Variants in NCR1 observed in about 807,000 individuals in gnomAD.
The protein encoded by NCR1 is natural cytotoxicity triggering receptor 1, also known as NK cell-activating receptor.
Under a neutral mutation model 32.5 loss-of-function variants are expected in NCR1, and 30 were observed. The observed-to-expected ratio is 0.92, with a 90% CI of 0.69 to 1.25. The LOEUF (loss-of-function observed/expected upper bound fraction) is 1.25. Ranked by LOEUF, NCR1 falls within the 50% of genes most tolerant of loss-of-function variation. NCR1 has a pLI of 0.00. For missense variants in NCR1, 369 were observed against 380.7 expected (o/e 0.97, Z 0.26); for synonymous variants, 169 against 143.4 (o/e 1.18, Z -1.28).
intron 5 of NCR1, among the ~76,000 whole-genome samples, chr19:54,911,354 A>C (rs1415787903): frequency 3.9e-5 from 5 of 128,580 alleles, no homozygotes; most frequent in African/African-American, 1.5e-4. Context: ...GTCTCAAAAA[A>C]AAAGAAAAAG....
At chr19:54,932,488 C>T in the NCR1 span, among the ~76,000 whole-genome samples, 1 of 151,668 alleles carries the variant, frequency 6.6e-6, no homozygotes, top group Non-Finnish European at 1.5e-5. Context: ...AGGAACAGGT[C>T]TTCAACCCTA....
At chr19:54,904,388 TTA>T (rs1478847243), upstream of NCR1, among the ~76,000 whole-genome samples, 1 of 151,994 alleles carries the variant, frequency 6.6e-6, no homozygotes, top group East Asian at 1.9e-4. Flanking sequence ...TGCAGGTTTT[TTA>T]TGAGTATATT....
the NCR1 span, chr19:54,936,237 G>A: frequency 6.2e-7 from 1 of 1,607,644 alleles, no homozygotes; most frequent in African/African-American, 1.3e-5. Context: ...AGGTGCTGGG[G>A]AGAGCCGTGA....
chr19:54,912,339 G>A lies in NCR1; in HGVS notation c.733+121G>A, dbSNP rs140346096. Reference sequence around the variant, plus strand: ...TGGCCAGGCGCAGTAGCTCACACCTGTAATCTCAGCCCTTTGGGAGGCCGA... The same window carrying A: ...TGGCCAGGCGCAGTAGCTCACACCTATAATCTCAGCCCTTTGGGAGGCCGA... On this transcript the variant is annotated intron_variant, in intron 6 of 6. Transcript: ENST00000291890. The A allele has an allele frequency of 1.0e-3, 1,023 of 982,134 alleles. 7 individuals carry two copies. The African/African-American group carries it at 0.015, about 14-fold the overall frequency. The allele number at this position is 982,134 out of a possible 1,614,324, so 60.8% of individuals were successfully genotyped here. A position where few individuals can be genotyped will look rare whatever the true frequency, so the allele number is the denominator to read the frequency against.
At chr19:54,928,121 G>A in the NCR1 span, among the ~76,000 whole-genome samples, 3 of 152,144 alleles carry the variant, frequency 2.0e-5, no homozygotes, top group Non-Finnish European at 4.4e-5. Flanking sequence ...TTGGGAGGCT[G>A]AGGCACAAGA....
the NCR1 span, among the ~76,000 whole-genome samples, chr19:54,898,203 T>G: frequency 6.6e-6 from 1 of 151,982 alleles, no homozygotes; most frequent in Non-Finnish European, 1.5e-5. Context: ...TGGGCCAGAG[T>G]TCTAGCTGCT....
At chr19:54,899,551 G>T in the NCR1 span, among the ~76,000 whole-genome samples, 1 of 152,034 alleles carries the variant, frequency 6.6e-6, no homozygotes, top group Non-Finnish European at 1.5e-5. Flanking sequence ...AAGGGATCGG[G>T]GTGCAGAGAT....
chr19:54,933,026 A>G, the NCR1 span, among the ~76,000 whole-genome samples: 1 of 152,196 alleles, frequency 6.6e-6, no homozygotes, highest in African/African-American at 2.4e-5. Context: ...TTGAAAGAAC[A>G]CACACAAAGC....
At chr19:54,937,900 C>CA in the NCR1 span, 35,175 of 504,452 alleles carry the variant, frequency 0.07, 291 homozygotes, top group African/African-American at 0.14. Context: ...TCCGTCTCAC[C>CA]AAAAAAAAAA....
At chr19:54,922,778 C>CA in the NCR1 span, among the ~76,000 whole-genome samples, 108 of 39,306 alleles carry the variant, frequency 2.7e-3, 4 homozygotes, top group African/African-American at 6.6e-3. Flanking sequence ...AACTCCGTCT[C>CA]AAAAAAAAAA....
At chr19:54,902,320 G>C (rs1485427366), upstream of NCR1, among the ~76,000 whole-genome samples, 5 of 150,510 alleles carry the variant, frequency 3.3e-5, no homozygotes, top group Non-Finnish European at 5.9e-5. Context: ...TTTTTTTATA[G>C]ACAGGGTAAC....
the NCR1 span, among the ~76,000 whole-genome samples, chr19:54,935,946 G>A: frequency 3.3e-3 from 499 of 152,172 alleles, no homozygotes; most frequent in Non-Finnish European, 5.2e-3. Context: ...ACCGGCCCGC[G>A]GTGCAGAAAA....
chr19:54,910,047 G>T lies in NCR1; in HGVS notation c.664G>T (p.Glu222Ter). The T allele has an allele frequency of 6.2e-7, 1 of 1,612,926 alleles. No homozygotes were observed. The highest frequency in any genetic ancestry group is 8.5e-7 in the Non-Finnish European group (1 of 1,179,802). ...GDIENTSLAPEDPTFPADTWG... is the reference protein window; with the variant it reads ...GDIENTSLAP ...CATTGAGAACACCAGCCTTGCACCT[G>T]AAGACCCCACCTTTCCTGGTGAGTA... The change falls in exon 5 of 7, where the codon GAA becomes TAA. Residue 222 changes from glutamate (E) to a stop codon, truncating the protein, a stop_gained. Transcript: ENST00000291890. LOFTEE classifies it high-confidence loss of function.
intron 4 of NCR1, 152 bp from the exon 5 acceptor site, chr19:54,909,866 C>T (rs2067865678): frequency 1.2e-5 from 7 of 603,534 alleles, no homozygotes; most frequent in Non-Finnish European, 1.9e-5. Context: ...ACCCGGGAGG[C>T]GGGGGTTGTA....
At chr19:54,934,828 GC>G in the NCR1 span, among the ~76,000 whole-genome samples, 1 of 152,002 alleles carries the variant, frequency 6.6e-6, no homozygotes, top group Non-Finnish European at 1.5e-5. The surrounding 1 kb of genome is among the most constrained non-coding windows in gnomAD (Gnocchi z 6.7). Flanking sequence ...TCCTGCCTCA[GC>G]CTCCGAAGTA....
In NCR1 at chr19:54,908,774, C is replaced by A. The variant is rs1300895376; in HGVS notation, c.356-471C>A. 4.6e-5 allele frequency among the ~76,000 whole-genome samples: 7 copies of A among 151,412 alleles called. No individual in the cohort carries two copies. In the East Asian group the frequency reaches 1.4e-3, roughly 30 times the overall value. Reference sequence around the variant, plus strand: ...CCTCCCAAGTAGTTGAGATTACAGGCATGTGCCACCACACCCGGCTAATTT... The same window carrying A: ...CCTCCCAAGTAGTTGAGATTACAGGAATGTGCCACCACACCCGGCTAATTT... On this transcript the variant is annotated intron_variant, in intron 3 of 6. Transcript: ENST00000291890.
chr19:54,904,012 G>T (rs2067386255), upstream of NCR1, among the ~76,000 whole-genome samples: 1 of 150,780 alleles, frequency 6.6e-6, no homozygotes, highest in Non-Finnish European at 1.5e-5. Flanking sequence ...TGTAGTCCCA[G>T]CTACTCAGGT....
At chr19:54,930,962 G>A in the NCR1 span, among the ~76,000 whole-genome samples, 1 of 152,022 alleles carries the variant, frequency 6.6e-6, no homozygotes. Flanking sequence ...GGCAGAGGCT[G>A]CAGTGAGCTG....
upstream of NCR1, among the ~76,000 whole-genome samples, chr19:54,904,531 C>CTTTTCTTTTTTTTT (rs1221694096): frequency 1.7e-5 from 2 of 118,992 alleles, no homozygotes; most frequent in East Asian, 2.5e-4. Context: ...GTTTTCTTTT[C>CTTTTCTTTTTTTTT]TTTTTTTTTT....
Sources: allele counts gnomAD v4.1 joint callset (sites outside exome capture counted in the v4.1 genomes callset), GRCh38; gene constraint gnomAD v4.1.1; non-coding constraint Gnocchi (gnomAD v3.1); transcripts MANE v1.5; gene names NCBI Gene and HGNC (gene_info 2026-07-23, HGNC 2026-07-21).